DEFB119: variants seen among roughly 807,000 people sequenced by gnomAD.
DEFB119 encodes defensin beta 119, also known as beta-defensin 119.
A neutral mutation model predicts 2.5 loss-of-function variants in DEFB119; 3 were observed. The observed-to-expected ratio is 1.19, with a 90% confidence interval of 0.54 to 3.07. The LOEUF (loss-of-function observed/expected upper bound fraction) is 3.07, where lower values mean the gene tolerates loss of function less well. Ranked by LOEUF, DEFB119 falls within the 30% of genes most tolerant of loss-of-function variation. The pLI is 0.03. For synonymous variants in DEFB119, 29 were observed against 33.7 expected (o/e 0.86, Z 0.48); for missense variants, 113 against 101.1 (o/e 1.12, Z -0.50).
chr20:31,387,849 T>C (rs113804795), intron 1 of DEFB119, among the ~76,000 whole-genome samples: 5,617 of 152,190 alleles, frequency 0.037, 348 homozygotes, highest in African/African-American at 0.13. Context: ...TTCCCCTTGC[T>C]CCTAGCAACT....
rs148227176 is a variant in DEFB119 at position 31,387,051 on chromosome 20, C to T, written c.61+3372G>A. Among the ~76,000 whole-genome samples the T allele has an allele frequency of 1.1e-3, 163 of 152,204 alleles. 1 individual carries two copies. The highest frequency in any genetic ancestry group is 1.9e-3 in the Non-Finnish European group (130 of 68,016). The stretch of plus-strand genomic sequence containing the variant: ...AAACTACTGACCTCGTGGTGATCCA[C>T]CTGCCTCGGCCTCCCAAAGTGCTGG... On this transcript the variant is annotated intron_variant, in intron 1 of 1. Coordinates refer to ENST00000376321, the MANE Select transcript of DEFB119 (RefSeq NM_153289.4).
intron 1 of DEFB119, chr20:31,388,999 C>T (rs372022906): frequency 2.8e-5 from 45 of 1,612,738 alleles, no homozygotes; most frequent in Non-Finnish European, 3.7e-5. Context: ...AATGTGGACC[C>T]TAAGCAACCT....
chr20:31,386,166 A>G (rs957764768), intron 1 of DEFB119, among the ~76,000 whole-genome samples: 1 of 152,136 alleles, frequency 6.6e-6, no homozygotes, highest in Non-Finnish European at 1.5e-5. Context: ...CAAAGGAAGA[A>G]ATCTAAGCAG....
chr20:31,384,023 T>C (rs190879022), intron 1 of DEFB119, among the ~76,000 whole-genome samples: 1 of 152,304 alleles, frequency 6.6e-6, no homozygotes, highest in East Asian at 1.9e-4. Flanking sequence ...TAAACCTCTT[T>C]TTCTTCATAA....
chr20:31,381,722 G>T (rs1174070498), intron 1 of DEFB119, among the ~76,000 whole-genome samples: 1 of 151,814 alleles, frequency 6.6e-6, no homozygotes, highest in Non-Finnish European at 1.5e-5. Flanking sequence ...GAGGTGGGAG[G>T]ATCACTTGAG....
chr20:31,389,161 C>T lies in DEFB119; in HGVS notation c.61+1262G>A, dbSNP rs181386606. The T allele has an allele frequency of 6.2e-5, 100 of 1,614,198 alleles. No individual in the cohort carries two copies. Among genetic ancestry groups the T allele is most frequent in the East Asian group, 1.6e-4 (7 of 44,886 alleles). On this transcript the variant is annotated intron_variant, in intron 1 of 1. Transcript: ENST00000376321. Reference sequence around the variant, plus strand: ...AGGAACACAGCACCGTTTACGATTTCGGCAGCGTATGATGCTGTCTTCACC... The same window carrying T: ...AGGAACACAGCACCGTTTACGATTTTGGCAGCGTATGATGCTGTCTTCACC...
Position 31,379,994 on chromosome 20 carries a change from A to G in DEFB119, c.62-2555T>C, listed in dbSNP as rs1329319800. On this transcript the variant is annotated intron_variant, in intron 1 of 1. Transcript: ENST00000376321. ...CTGTTGAGTCTTAAGAGTTGTTTCT[A>G]TGTTCCAGATACAAGTTCTTTGTCA... Among the ~76,000 whole-genome samples, 3 of 152,244 alleles carry G rather than the reference A, an allele frequency of 2.0e-5. No individual in the cohort carries two copies. The East Asian group carries it at 5.8e-4, about 30-fold the overall frequency.
intron 1 of DEFB119, among the ~76,000 whole-genome samples, chr20:31,378,015 G>A (rs1391060678): frequency 6.6e-6 from 1 of 152,198 alleles, no homozygotes; most frequent in Non-Finnish European, 1.5e-5. Context: ...GCTGTAAGGA[G>A]GTGTAACCTC....
At chr20:31,388,903 C>G in intron 1 of DEFB119, 1 of 1,498,938 alleles carries the variant, frequency 6.7e-7, no homozygotes, top group Non-Finnish European at 8.9e-7. Context: ...TTCACCTCCC[C>G]CTGCCATCCC....
chr20:31,388,399 G>T (rs1188823274), intron 1 of DEFB119: 33 of 863,930 alleles, frequency 3.8e-5, no homozygotes, highest in Non-Finnish European at 4.6e-5. Flanking sequence ...TACAGAGGAG[G>T]AAGATGAAGT....
chr20:31,377,527 G>C, intron 1 of DEFB119, 88 bp from the exon 2 acceptor site: 1 of 1,407,260 alleles, frequency 7.1e-7, no homozygotes, highest in East Asian at 2.3e-5. Flanking sequence ...AAACCTAAAG[G>C]GGGAGCAGGG....
intron 1 of DEFB119, among the ~76,000 whole-genome samples, chr20:31,381,693 C>T (rs1428729575): frequency 6.6e-6 from 1 of 152,130 alleles, no homozygotes; most frequent in Non-Finnish European, 1.5e-5. Flanking sequence ...CATTTGTAGT[C>T]CCAGCTACTG....
At chr20:31,385,134 T>A (rs1009731282) in intron 1 of DEFB119, among the ~76,000 whole-genome samples, 1 of 152,212 alleles carries the variant, frequency 6.6e-6, no homozygotes, top group East Asian at 1.9e-4. Context: ...TTCTGCTAGA[T>A]GGAGAGTGAA....
At chr20:31,377,474 AC>A (rs745424687) in intron 1 of DEFB119, 35 bp from the exon 2 acceptor site, 1 of 1,585,596 alleles carries the variant, frequency 6.3e-7, no homozygotes, top group East Asian at 2.3e-5. Context: ...TAGTTAATTC[AC>A]CTAGGAGTGA....
chr20:31,385,836 C>G (rs1401782522), intron 1 of DEFB119, among the ~76,000 whole-genome samples: 2 of 151,520 alleles, frequency 1.3e-5, no homozygotes, highest in South Asian at 2.1e-4. Context: ...CACTACTGCA[C>G]TCCATCCTAG....
At chr20:31,383,108 T>C (rs934457469) in intron 1 of DEFB119, among the ~76,000 whole-genome samples, 3 of 152,188 alleles carry the variant, frequency 2.0e-5, no homozygotes, top group Admixed American at 6.5e-5. Flanking sequence ...ACTGATGATA[T>C]AGTTTGGCTG....
chr20:31,390,609 G>A, upstream of DEFB119: 3 of 871,382 alleles, frequency 3.4e-6, no homozygotes, highest in Admixed American at 2.5e-5. Flanking sequence ...AGAACAGGAG[G>A]GGATTTATAT....
intron 1 of DEFB119, among the ~76,000 whole-genome samples, chr20:31,379,176 G>A (rs1382657078): frequency 6.6e-6 from 1 of 152,026 alleles, no homozygotes; most frequent in Non-Finnish European, 1.5e-5. Context: ...GACCTCAAGT[G>A]ATCCACCCAC....
chr20:31,378,544 A>G (rs1214537682), intron 1 of DEFB119, among the ~76,000 whole-genome samples: 1 of 152,212 alleles, frequency 6.6e-6, no homozygotes, highest in Non-Finnish European at 1.5e-5. Flanking sequence ...AAAGACAATC[A>G]ACAGAACTGA....
Sources: gnomAD v4.1 joint callset for allele counts (sites outside exome capture counted in the v4.1 genomes callset) on GRCh38, gnomAD v4.1.1 for gene constraint, MANE v1.5 for transcripts, NCBI Gene and HGNC (gene_info 2026-07-23, HGNC 2026-07-21) for gene names.